The following C2orf92 variants were observed in gnomAD, a reference collection of about 807,000 sequenced individuals.
C2orf92 encodes chromosome 2 open reading frame 92.
intron 3 of C2orf92, among the ~76,000 whole-genome samples, chr2:97,679,141 G>A (rs1675677961): frequency 6.6e-6 from 1 of 151,248 alleles, no homozygotes. Context: ...TTCAGGCTGA[G>A]ATGAAGGGAC....
intron 5 of C2orf92, among the ~76,000 whole-genome samples, chr2:97,694,062 C>A (rs1676225377): frequency 6.6e-6 from 1 of 152,152 alleles, no homozygotes; most frequent in Middle Eastern, 3.4e-3. Flanking sequence ...TAAATAATAA[C>A]CATCCATTCC....
chr2:97,664,866 C>G (rs1675154437), upstream of C2orf92: 1 of 152,208 alleles, frequency 6.6e-6, no homozygotes, highest in African/African-American at 2.4e-5. Context: ...TCAGCTATTG[C>G]GCACGGCCCC....
intron 3 of C2orf92, chr2:97,677,373 G>A (rs1487779769): frequency 6.6e-6 from 1 of 152,178 alleles, no homozygotes; most frequent in Non-Finnish European, 1.5e-5. Context: ...CCTGTTGAGG[G>A]GATTTAAGGA....
upstream of C2orf92, chr2:97,663,949 G>A: frequency 1.0e-6 from 1 of 979,954 alleles, no homozygotes; most frequent in Non-Finnish European, 1.3e-6. Flanking sequence ...GGATGGGCGG[G>A]CGGGCGGGAG....
At chr2:97,668,149 G>A (rs1218014402), upstream of C2orf92, 1 of 152,054 alleles carries the variant, frequency 6.6e-6, no homozygotes, top group Non-Finnish European at 1.5e-5. Flanking sequence ...GTGAGGGTGT[G>A]GGTTTTGTGT....
intron 1 of C2orf92, chr2:97,672,503 C>CA (rs1675448440): frequency 6.6e-6 from 1 of 152,066 alleles, no homozygotes; most frequent in Admixed American, 6.6e-5. Flanking sequence ...GTCTAGGAGG[C>CA]AGAAGCCTTG....
At chr2:97,686,932 C>T (rs1057447368) in intron 3 of C2orf92, among the ~76,000 whole-genome samples, 14 of 151,952 alleles carry the variant, frequency 9.2e-5, no homozygotes, top group Admixed American at 7.9e-4. Context: ...GTGGGAGGAT[C>T]ATTTGAGCCT....
At chr2:97,695,022 G>A (rs951508774) in intron 5 of C2orf92, among the ~76,000 whole-genome samples, 1 of 152,174 alleles carries the variant, frequency 6.6e-6, no homozygotes, top group Non-Finnish European at 1.5e-5. Flanking sequence ...ATATTGTTGG[G>A]TGTCAGGAGT....
At chr2:97,695,057 C>G (rs1461380522) in intron 5 of C2orf92, among the ~76,000 whole-genome samples, 2 of 152,202 alleles carry the variant, frequency 1.3e-5, no homozygotes, top group Non-Finnish European at 2.9e-5. Flanking sequence ...GAGTATCATT[C>G]CCTTATCAGA....
At chr2:97,698,570 C>G (rs540542362) in intron 5 of C2orf92, among the ~76,000 whole-genome samples, 1 of 152,210 alleles carries the variant, frequency 6.6e-6, no homozygotes, top group East Asian at 1.9e-4. Flanking sequence ...TGAAGTAGGT[C>G]TCATTATCTC....
intron 5 of C2orf92, chr2:97,697,779 G>A (rs1339487965): frequency 6.6e-6 from 1 of 152,074 alleles, no homozygotes; most frequent in Non-Finnish European, 1.5e-5. Context: ...CTGGGCTGGA[G>A]TGCAGAGGTG....
At chr2:97,681,511 G>T (rs1174894573) in intron 3 of C2orf92, among the ~76,000 whole-genome samples, 1 of 152,162 alleles carries the variant, frequency 6.6e-6, no homozygotes, top group Non-Finnish European at 1.5e-5. Context: ...AACACAACAT[G>T]CCAAAACTTG....
intron 5 of C2orf92, among the ~76,000 whole-genome samples, chr2:97,691,409 C>T (rs1676132541): frequency 6.6e-6 from 1 of 152,186 alleles, no homozygotes. Context: ...GAGGAATTCT[C>T]CCCTCCTCCT....
chr2:97,689,689 A>T (rs1676066614), intron 4 of C2orf92, among the ~76,000 whole-genome samples: 1 of 152,158 alleles, frequency 6.6e-6, no homozygotes, highest in African/African-American at 2.4e-5. Context: ...TCCTGAGGGT[A>T]GTTTCCCTGA....
intron 5 of C2orf92, among the ~76,000 whole-genome samples, chr2:97,691,644 C>A (rs568851648): frequency 6.6e-6 from 1 of 152,304 alleles, no homozygotes; most frequent in East Asian, 1.9e-4. Context: ...GGATTATGAA[C>A]CTGGCCAGGA....
At chr2:97,699,183 G>A in intron 6 of C2orf92, 47 bp downstream of exon 6, 1 of 398,242 alleles carries the variant, frequency 2.5e-6, no homozygotes, top group Non-Finnish European at 4.4e-6. Context: ...CTTAAATACG[G>A]ACAACTTCTG....
At chr2:97,687,410 A>G (rs535652777) in intron 3 of C2orf92, among the ~76,000 whole-genome samples, 45 of 152,130 alleles carry the variant, frequency 3.0e-4, no homozygotes, top group Middle Eastern at 6.8e-3. Context: ...AGTGTATTTT[A>G]CCACCACCAC....
rs959429715 is a variant in C2orf92, at chr2:97,682,241, C to T, written c.232+6313C>T. 2.6e-5 allele frequency among the ~76,000 whole-genome samples: 4 copies of T among 152,070 alleles called. No homozygotes were observed. In the East Asian group the frequency reaches 5.8e-4, roughly 22 times the overall value. ...AAATTTTAAAATTCCTGGAAGCACA[C>T]GAACTACCAAAATTGACTCCAGAAG... is the stretch of plus-strand genomic sequence containing the variant. On this transcript the variant is annotated intron_variant, in intron 3 of 7. Transcript: ENST00000627399.
At chr2:97,676,753 C>T (rs1675598790) in intron 3 of C2orf92, among the ~76,000 whole-genome samples, 1 of 151,226 alleles carries the variant, frequency 6.6e-6, no homozygotes, top group Non-Finnish European at 1.5e-5. Context: ...GCCTGGGCAT[C>T]AGAGCTGTAC....
Sources: allele counts gnomAD v4.1 joint callset (sites outside exome capture counted in the v4.1 genomes callset), GRCh38; gene constraint gnomAD v4.1.1; transcripts MANE v1.5; gene names NCBI Gene and HGNC (gene_info 2026-07-23, HGNC 2026-07-21).